GRID1: variants seen among roughly 807,000 people sequenced by gnomAD.
GRID1 encodes glutamate ionotropic receptor delta type subunit 1.
Under a neutral mutation model 98.0 loss-of-function variants are expected in GRID1, and 28 were observed. That is an observed-to-expected ratio of 0.29 (90% CI 0.21 to 0.39). GRID1 has a LOEUF of 0.39. Among genes scored for constraint, GRID1 ranks in the 10% least tolerant of loss-of-function variants. The pLI, the probability that GRID1 is intolerant of heterozygous loss-of-function variation, is 1.00. For synonymous variants in GRID1, 553 were observed against 538.5 expected (o/e 1.03, Z -0.37); for missense variants, 1,111 against 1,340.5 (o/e 0.83, Z 2.67).
chr10:86,350,876 C>A (rs1848452625), intron 2 of GRID1, among the ~76,000 whole-genome samples: 1 of 152,150 alleles, frequency 6.6e-6, no homozygotes. Context: ...GTGCTCTGGA[C>A]CACTAGAACT....
At chr10:85,992,776 C>A (rs574154431) in intron 4 of GRID1, among the ~76,000 whole-genome samples, 47 of 151,816 alleles carry the variant, frequency 3.1e-4, no homozygotes, top group Non-Finnish European at 6.2e-4. Flanking sequence ...ATAGTGAGAC[C>A]CTGTCTCTAA....
intron 4 of GRID1, among the ~76,000 whole-genome samples, chr10:86,086,577 T>C: frequency 6.6e-6 from 1 of 151,772 alleles, no homozygotes; most frequent in East Asian, 1.9e-4. Flanking sequence ...CCACAGGGGG[T>C]TATAAGCAAA....
chr10:85,650,064 G>A (rs965459428), intron 12 of GRID1: 3 of 152,364 alleles, frequency 2.0e-5, no homozygotes, highest in South Asian at 4.1e-4. Context: ...TATCTGGGGT[G>A]TTGAACACAA....
intron 4 of GRID1, among the ~76,000 whole-genome samples, chr10:85,970,540 C>T (rs973181392): frequency 6.6e-6 from 1 of 151,900 alleles, no homozygotes; most frequent in Non-Finnish European, 1.5e-5. Flanking sequence ...ATGTAATATG[C>T]CATAGTTAAC....
chr10:85,924,255 C>G (rs1183793347), intron 4 of GRID1, among the ~76,000 whole-genome samples: 1 of 152,180 alleles, frequency 6.6e-6, no homozygotes, highest in South Asian at 2.1e-4. Flanking sequence ...AAACAAAACC[C>G]ATGCATATGG....
At chr10:85,913,810 TA>T (rs1271155401) in intron 5 of GRID1, among the ~76,000 whole-genome samples, 1 of 151,878 alleles carries the variant, frequency 6.6e-6, no homozygotes, top group Non-Finnish European at 1.5e-5. Context: ...AAAATAAAGA[TA>T]AAAAAAGAAA....
chr10:85,835,649 T>A (rs1842905863), intron 8 of GRID1, among the ~76,000 whole-genome samples: 1 of 152,222 alleles, frequency 6.6e-6, no homozygotes, highest in Non-Finnish European at 1.5e-5. Context: ...TTATTAGCAG[T>A]GTGAGAACAG....
At chr10:85,992,273 C>A (rs566696036) in intron 4 of GRID1, among the ~76,000 whole-genome samples, 2 of 152,196 alleles carry the variant, frequency 1.3e-5, no homozygotes, top group South Asian at 4.2e-4. Context: ...AGACCAGCAC[C>A]CTGGCTTTGT....
chr10:86,236,966 G>A (rs1846549570), intron 2 of GRID1, among the ~76,000 whole-genome samples: 1 of 152,122 alleles, frequency 6.6e-6, no homozygotes. Flanking sequence ...GGTAGACGTG[G>A]TGAGATACAC....
intron 4 of GRID1, among the ~76,000 whole-genome samples, chr10:85,976,859 C>A (rs371513426): frequency 1.3e-5 from 2 of 152,180 alleles, no homozygotes; most frequent in Admixed American, 6.5e-5. Context: ...GTTTCTAAGG[C>A]CTCAGGAAAA....
intron 8 of GRID1, among the ~76,000 whole-genome samples, chr10:85,754,722 G>A (rs1327434516): frequency 6.6e-6 from 1 of 152,120 alleles, no homozygotes; most frequent in Admixed American, 6.5e-5. Context: ...AAGACAACAA[G>A]GCATAATAAA....
chr10:85,880,785 G>A (rs1236211167), intron 5 of GRID1, among the ~76,000 whole-genome samples: 3 of 152,070 alleles, frequency 2.0e-5, no homozygotes, highest in African/African-American at 7.3e-5. Context: ...CAATTAGGCA[G>A]GAGAAGGAAA....
intron 4 of GRID1, among the ~76,000 whole-genome samples, chr10:85,993,995 T>C (rs1294641220): frequency 1.3e-5 from 2 of 152,198 alleles, no homozygotes; most frequent in African/African-American, 4.8e-5. Flanking sequence ...CAGGTGCCCC[T>C]TCCACGGAGA....
intron 2 of GRID1, among the ~76,000 whole-genome samples, chr10:86,357,619 T>C (rs1469361461): frequency 6.6e-6 from 1 of 152,172 alleles, no homozygotes; most frequent in Non-Finnish European, 1.5e-5. Context: ...TGTGTGTGCC[T>C]GAGTATATGC....
At chr10:85,632,682 T>A (rs183765663) in intron 13 of GRID1, among the ~76,000 whole-genome samples, 2 of 152,328 alleles carry the variant, frequency 1.3e-5, no homozygotes, top group Admixed American at 1.3e-4. Context: ...TAGCTGGGAC[T>A]ACAGACATGT....
chr10:86,011,989 C>T (rs1842927892), intron 4 of GRID1, among the ~76,000 whole-genome samples: 1 of 152,148 alleles, frequency 6.6e-6, no homozygotes, highest in Non-Finnish European at 1.5e-5. Flanking sequence ...GAAACCCAGT[C>T]TCTACTAAAA....
At chr10:85,767,860 C>A (rs1012957971) in intron 8 of GRID1, among the ~76,000 whole-genome samples, 4 of 152,200 alleles carry the variant, frequency 2.6e-5, no homozygotes, top group Non-Finnish European at 5.9e-5. Context: ...GAGCTCTCTG[C>A]TCACAAAAGG....
At chr10:86,165,267 G>T (rs1845382445) in intron 3 of GRID1, among the ~76,000 whole-genome samples, 1 of 152,236 alleles carries the variant, frequency 6.6e-6, no homozygotes. Context: ...TGAAGAGCTA[G>T]ATCTGAGATG....
intron 3 of GRID1, among the ~76,000 whole-genome samples, chr10:86,157,896 G>T (rs1373723363): frequency 1.3e-5 from 2 of 152,212 alleles, no homozygotes; most frequent in East Asian, 1.9e-4. Context: ...AAGTGTGGCT[G>T]CCTGAGCTCC....
Sources: gnomAD v4.1 joint callset for allele counts (sites outside exome capture counted in the v4.1 genomes callset) on GRCh38, gnomAD v4.1.1 for gene constraint, MANE v1.5 for transcripts, NCBI Gene and HGNC (gene_info 2026-07-23, HGNC 2026-07-21) for gene names.